Variants in CYP4F22 observed in about 807,000 individuals in gnomAD.
The protein encoded by CYP4F22 is ultra-long-chain fatty acid omega-hydroxylase.
CYP4F22 carries 37 observed loss-of-function variants against 60.4 expected under a neutral mutation model. The observed-to-expected ratio is 0.61, with a 90% CI of 0.47 to 0.81. The LOEUF (loss-of-function observed/expected upper bound fraction) is 0.81, where lower values mean the gene tolerates loss of function less well. Among genes scored for constraint, CYP4F22 ranks in the 30% least tolerant of loss-of-function variants. The pLI, the probability that CYP4F22 is intolerant of heterozygous loss-of-function variation, is 0.00. For synonymous variants in CYP4F22, 258 were observed against 280.5 expected (o/e 0.92, Z 0.80); for missense variants, 655 against 715.0 (o/e 0.92, Z 0.96).
intron 2 of CYP4F22, 26 bp from the exon 3 acceptor site, chr19:15,525,310 G>T: frequency 6.2e-7 from 1 of 1,607,868 alleles, no homozygotes. Context: ...GCATGGCACC[G>T]ACCCCCTGAC....
chr19:15,548,002 AGTGTGTGTGTGTGTGTGTGTGTGTGT>A, intron 10 of CYP4F22, 80 bp from the exon 11 acceptor site: 1 of 364,706 alleles, frequency 2.7e-6, no homozygotes, highest in Non-Finnish European at 4.1e-6. Flanking sequence ...AGAGGGAGAG[AGTGTGTGTGTGTGTGTGTGTGTGTGT>A]GTGTGTGTGT....
intron 12 of CYP4F22, among the ~76,000 whole-genome samples, chr19:15,549,992 G>A (rs567858804): frequency 9.5e-4 from 145 of 152,154 alleles, no homozygotes; most frequent in African/African-American, 3.2e-3. Context: ...GCAGTGGTGC[G>A]ATCTTGGCTC....
At chr19:15,525,843 A>G (rs948518222) in intron 3 of CYP4F22, among the ~76,000 whole-genome samples, 2 of 152,036 alleles carry the variant, frequency 1.3e-5, no homozygotes, top group Non-Finnish European at 2.9e-5. Context: ...CTTGGGAAAC[A>G]TAGTGAGACC....
chr19:15,511,692 C>T (rs934590138), intron 1 of CYP4F22, among the ~76,000 whole-genome samples: 5 of 152,098 alleles, frequency 3.3e-5, no homozygotes, highest in African/African-American at 4.8e-5. Flanking sequence ...ATGGGGCCAG[C>T]GTTGGGGTGC....
chr19:15,509,908 T>TTC (rs1568350853), intron 1 of CYP4F22, among the ~76,000 whole-genome samples: 4,780 of 99,828 alleles, frequency 0.048, 127 homozygotes, highest in Middle Eastern at 0.073. Context: ...TTCCTTCCTT[T>TTC]CTTTCTTTCC....
chr19:15,543,826 C>T (rs1435308967), intron 8 of CYP4F22, 145 bp from the exon 9 acceptor site: 3 of 872,708 alleles, frequency 3.4e-6, no homozygotes, highest in Admixed American at 4.6e-5. Flanking sequence ...CACCGCACTC[C>T]AGCCTGGGTG....
At chr19:15,520,324 C>T (rs1302670535) in intron 1 of CYP4F22, among the ~76,000 whole-genome samples, 3 of 137,928 alleles carry the variant, frequency 2.2e-5, no homozygotes, top group African/African-American at 5.4e-5. Context: ...CCAGCCTGGG[C>T]GACAGAGCAA....
At chr19:15,528,208 G>A (rs960961570) in intron 3 of CYP4F22, among the ~76,000 whole-genome samples, 6 of 152,138 alleles carry the variant, frequency 3.9e-5, no homozygotes, top group Admixed American at 3.3e-4. Context: ...ATCCCAGCAC[G>A]TTGGGAGGCC....
chr19:15,518,647 C>CAAAAA (rs748509278), intron 1 of CYP4F22, among the ~76,000 whole-genome samples: 12 of 23,210 alleles, frequency 5.2e-4, no homozygotes, highest in African/African-American at 9.4e-4. Context: ...GACTTTGTCT[C>CAAAAA]AAAAAAAAAA....
intron 10 of CYP4F22, among the ~76,000 whole-genome samples, chr19:15,545,648 C>CAAAAAAAAAAAAAAAAAAAAAAA (rs1217096575): frequency 5.1e-5 from 2 of 38,950 alleles, no homozygotes; most frequent in African/African-American, 1.1e-4. Context: ...GACCCTGTCT[C>CAAAAAAAAAAAAAAAAAAAAAAA]AAAAAAAAAA....
chr19:15,540,867 T>A, intron 8 of CYP4F22, 150 bp downstream of exon 8: 1 of 998,652 alleles, frequency 1.0e-6, no homozygotes, highest in Non-Finnish European at 1.5e-6. Context: ...GGAGGATCGC[T>A]TGAGCCCTGG....
At chr19:15,528,120 A>G (rs1971302344) in intron 3 of CYP4F22, among the ~76,000 whole-genome samples, 1 of 152,058 alleles carries the variant, frequency 6.6e-6, no homozygotes, top group Admixed American at 6.6e-5. Flanking sequence ...CAGCTCCTGC[A>G]TTCTAGGGGC....
chr19:15,534,843 G>A (rs1041029869), intron 4 of CYP4F22, among the ~76,000 whole-genome samples: 15 of 152,176 alleles, frequency 9.9e-5, no homozygotes, highest in African/African-American at 3.4e-4. Context: ...GGAAGGTCCT[G>A]CCAGTGCCTT....
chr19:15,523,644 T>A (rs901210836), intron 1 of CYP4F22, 49 bp from the exon 2 acceptor site: 1 of 152,216 alleles, frequency 6.6e-6, no homozygotes, highest in African/African-American at 2.4e-5. Flanking sequence ...GCCTGCTCAC[T>A]GTTTTATTAA....
rs1971564898 is a variant in CYP4F22 at position 15,549,047 on chromosome 19, C to T, written c.1271-91C>T. 3.5e-6 allele frequency: 5 copies of T among 1,431,918 alleles called. No individual in the cohort carries two copies. In the African/African-American group the frequency reaches 4.2e-5, roughly 12 times the overall value. The allele number at this position is 1,431,918 out of a possible 1,614,324, so 88.7% of individuals were successfully genotyped here. On this transcript the variant is annotated intron_variant, in intron 11 of 13. Coordinates refer to ENST00000269703, the MANE Select transcript of CYP4F22 (RefSeq NM_173483.4). ...GGTGGTGGCAGATGGCTCATGGGAA[C>T]ATCATGGCTCTAGGGAGACCCAAGT...
intron 8 of CYP4F22, among the ~76,000 whole-genome samples, chr19:15,543,659 C>T (rs938408110): frequency 6.6e-6 from 1 of 152,040 alleles, no homozygotes; most frequent in Non-Finnish European, 1.5e-5. Context: ...GAGTTCGAGA[C>T]CGGCCTGGCC....
intron 10 of CYP4F22, 86 bp from the exon 11 acceptor site, chr19:15,548,022 T>TGC (rs1971551279): frequency 8.4e-7 from 1 of 1,194,750 alleles, no homozygotes; most frequent in African/African-American, 1.5e-5. Context: ...TGTGTGTGTG[T>TGC]GTGTGTGTGT....
chr19:15,551,498 A>G lies in CYP4F22; in HGVS notation c.*27A>G. 6.5e-7 allele frequency: 1 copy of G among 1,545,548 alleles called. No homozygotes were observed. The highest frequency in any genetic ancestry group is 8.7e-7 in the Non-Finnish European group (1 of 1,145,974). On this transcript the variant is annotated 3_prime_UTR_variant, in exon 14 of 14. Transcript: ENST00000269703. ...CGTGGGCGCGCCCCTGCGGCTCCCG[A>G]GGGTCCAGGCCCCGCCCCCAAAGGA...
At position 15,549,268 on chromosome 19, in the gene CYP4F22, C is replaced by G. The variant is rs554423750; in HGVS notation, c.1335+66C>G. On this transcript the variant is annotated intron_variant, in intron 12 of 13. Transcript: ENST00000269703. ...CCTCCCCTGCGCCCCAGGGAGCCAG[C>G]GAGCAGGGCTGGTTGCAGGGCCTGA... is the stretch of plus-strand genomic sequence containing the variant. 1.3e-4 allele frequency: 195 copies of G among 1,558,286 alleles called. No homozygotes were observed. In the African/African-American group the frequency reaches 2.5e-3, roughly 20 times the overall value.
Sources: gnomAD v4.1 joint callset for allele counts (sites outside exome capture counted in the v4.1 genomes callset) on GRCh38, gnomAD v4.1.1 for gene constraint, MANE v1.5 for transcripts, NCBI Gene and HGNC (gene_info 2026-07-23, HGNC 2026-07-21) for gene names.